C5: variants seen among roughly 807,000 people sequenced by gnomAD.
The protein encoded by C5 is C3 and PZP-like alpha-2-macroglobulin domain-containing protein 4.
C5 carries 140 observed loss-of-function variants against 218.8 expected under a neutral mutation model. The observed-to-expected ratio is 0.64, with a 90% CI of 0.56 to 0.74. The LOEUF is 0.74. Among genes scored for constraint, C5 ranks in the 30% least tolerant of loss-of-function variants. The pLI is 0.00. For synonymous variants in C5, 614 were observed against 682.3 expected, an observed-to-expected ratio of 0.90 and a Z score of 1.56; for missense variants, 1,700 against 1,969.6, an observed-to-expected ratio of 0.86 and a Z score of 2.59.
chr9:120,996,336 T>C (rs1185213300), intron 21 of C5, 36 bp from the exon 22 acceptor site: 1 of 1,537,104 alleles, frequency 6.5e-7, no homozygotes. Context: ...GTTAAAAACA[T>C]AAGTTTATAT....
At chr9:121,008,927 C>CACAAACAA (rs60617637) in intron 17 of C5, among the ~76,000 whole-genome samples, 53,914 of 150,272 alleles carry the variant, frequency 0.36, 10,026 homozygotes, top group East Asian at 0.68. Context: ...GAGACTCTGT[C>CACAAACAA]ACAAACAAAC....
At chr9:121,068,770 T>C in the C5 span, among the ~76,000 whole-genome samples, 8 of 152,162 alleles carry the variant, frequency 5.3e-5, no homozygotes, top group African/African-American at 1.9e-4. Flanking sequence ...GATATTGTCA[T>C]AAAAACAGAT....
intron 22 of C5, among the ~76,000 whole-genome samples, chr9:120,995,081 A>C (rs2131720470): frequency 6.6e-6 from 1 of 152,312 alleles, no homozygotes; most frequent in South Asian, 2.1e-4. Context: ...AAAAAATTGG[A>C]GAAACAAGTA....
At position 121,037,911 on chromosome 9, in the gene C5, TG is replaced by T; in HGVS notation, c.461del (p.Pro154GlnfsTer8). 1 of 1,532,730 alleles carries T rather than the reference TG, an allele frequency of 6.5e-7. No individual in the cohort carries two copies. Among genetic ancestry groups the T allele is most frequent in the Non-Finnish European group, 8.9e-7 (1 of 1,118,688 alleles). The allele number at this position is 1,532,730 out of a possible 1,614,324, so 94.9% of individuals were successfully genotyped here. A position where few individuals can be genotyped will look rare whatever the true frequency, so the allele number is the denominator to read the frequency against. ...RVYSLNDDLK[P>X]AKRETVLTFI... ...AAGTTAAGACAGTTTCTCTTTTGGC[TG>T]GCTTCAAGTCGTCATTCAACGAATA... On this transcript the variant is annotated frameshift_variant, in exon 4 of 41. Transcript: ENST00000223642. LOFTEE classifies it high-confidence loss of function.
the C5 span, among the ~76,000 whole-genome samples, chr9:121,069,960 A>G: frequency 6.6e-6 from 1 of 152,222 alleles, no homozygotes; most frequent in Non-Finnish European, 1.5e-5. Flanking sequence ...AAAGGAAAAG[A>G]AATCAGTATA....
chr9:120,974,175 T>C (rs1245213393), intron 30 of C5, among the ~76,000 whole-genome samples: 1 of 152,168 alleles, frequency 6.6e-6, no homozygotes, highest in Admixed American at 6.5e-5. Context: ...TTCCAACATG[T>C]CTTGTTCTTT....
intron 31 of C5, among the ~76,000 whole-genome samples, chr9:120,970,898 G>T (rs746658966): frequency 5.3e-5 from 8 of 152,186 alleles, no homozygotes; most frequent in African/African-American, 1.9e-4. Flanking sequence ...CCAGCTGGGC[G>T]TGGTGGCTCG....
In C5 at chr9:120,981,858, T is replaced by C; in HGVS notation, c.3472A>G (p.Ile1158Val). Residue 1158 changes from isoleucine (I) to valine (V), a missense_variant, in exon 27 of 41, where the codon ATA becomes GTA. Coordinates refer to ENST00000223642, the MANE Select transcript of C5 (RefSeq NM_001735.3). ...TVIGIRKAFD[I>V]CPLVKIDTAL... ...CTCTTACTTACCACCAGGGGGCATA[T>C]ATCGAAAGCCTTTCTAATTCCAATC... The C allele has an allele frequency of 1.2e-6, 2 of 1,612,852 alleles. No individual in the cohort carries two copies. The highest frequency in any genetic ancestry group is 8.5e-7 in the Non-Finnish European group (1 of 1,178,828).
chr9:120,982,613 C>T (rs377059579), intron 26 of C5, 42 bp downstream of exon 26: 1 of 1,464,926 alleles, frequency 6.8e-7, no homozygotes, highest in African/African-American at 1.4e-5. Context: ...AAAACTCAAA[C>T]TAAATAAAAC....
chr9:120,991,334 C>T, intron 22 of C5, 54 bp from the exon 23 acceptor site: 1 of 949,584 alleles, frequency 1.1e-6, no homozygotes. Flanking sequence ...AGACTGTTTG[C>T]AGATTATTTA....
chr9:121,015,141 T>C lies in C5; in HGVS notation c.2059+58A>G, dbSNP rs780055943. 2.6e-5 allele frequency: 28 copies of C among 1,068,668 alleles called. No individual in the cohort carries two copies. In the African/African-American group the frequency reaches 3.7e-4, roughly 14 times the overall value. The allele number at this position is 1,068,668 out of a possible 1,614,324, so 66.2% of individuals were successfully genotyped here. A position where few individuals can be genotyped will look rare whatever the true frequency, so the allele number is the denominator to read the frequency against. On this transcript the variant is annotated intron_variant, in intron 16 of 40. Coordinates refer to ENST00000223642, the MANE Select transcript of C5 (RefSeq NM_001735.3). Reference sequence around the variant, plus strand: ...GGAATTTATATAACATTTAATTTTGTCCAGTTTTTGAATGATATGACCATA... The same window carrying C: ...GGAATTTATATAACATTTAATTTTGCCCAGTTTTTGAATGATATGACCATA...
chr9:120,969,538 T>C (rs1362634201), intron 32 of C5, among the ~76,000 whole-genome samples: 2 of 152,038 alleles, frequency 1.3e-5, no homozygotes, highest in Non-Finnish European at 2.9e-5. Flanking sequence ...CTGGAGGCAA[T>C]GGGGAGACCA....
chr9:120,959,531 T>G (rs947609273), intron 38 of C5, among the ~76,000 whole-genome samples: 2 of 151,898 alleles, frequency 1.3e-5, no homozygotes, highest in African/African-American at 2.4e-5. Flanking sequence ...AAAGTGCTGG[T>G]ATTACAGGCA....
intron 34 of C5, 61 bp downstream of exon 34, chr9:120,963,575 A>G: frequency 3.4e-6 from 4 of 1,179,188 alleles, no homozygotes; most frequent in Non-Finnish European, 5.1e-6. Context: ...AAAATTGTCT[A>G]TAAAATAATT....
At chr9:121,074,421 C>G in the C5 span, among the ~76,000 whole-genome samples, 7 of 152,344 alleles carry the variant, frequency 4.6e-5, 1 homozygote, top group East Asian at 1.3e-3. Context: ...CTCCCTGAAC[C>G]TCACGCGACA....
At chr9:120,986,631 T>A (rs1357654331) in intron 25 of C5, among the ~76,000 whole-genome samples, 1 of 152,204 alleles carries the variant, frequency 6.6e-6, no homozygotes, top group Non-Finnish European at 1.5e-5. Context: ...TGTGGGGCTT[T>A]CTGCTCTCCA....
intron 33 of C5, 83 bp downstream of exon 33, chr9:120,968,978 A>C: frequency 8.3e-7 from 1 of 1,200,568 alleles, no homozygotes; most frequent in Non-Finnish European, 1.2e-6. Flanking sequence ...GACATACCAA[A>C]ATTTGAAAAT....
intron 22 of C5, among the ~76,000 whole-genome samples, chr9:120,993,188 G>A (rs73662472): frequency 2.4e-3 from 361 of 152,252 alleles, no homozygotes; most frequent in African/African-American, 8.4e-3. Context: ...GAGAACCCTC[G>A]TGCACTGCTA....
Position 121,008,412 on chromosome 9 carries a change from T to C in C5, c.2344A>G (p.Arg782Gly). The C allele has an allele frequency of 6.2e-7, 1 of 1,611,064 alleles. No individual in the cohort carries two copies. The highest frequency in any genetic ancestry group is 8.5e-7 in the Non-Finnish European group (1 of 1,177,300). ...SWLWEVHLVPRRKQLQFALPD... is the reference protein window; with the variant it reads ...SWLWEVHLVPGRKQLQFALPD... Reference sequence around the variant, plus strand: ...AACATGAAAGAAGTATAATACCTTCTGGGAACAAGATGAACTTCCCACAAC... The same window carrying C: ...AACATGAAAGAAGTATAATACCTTCCGGGAACAAGATGAACTTCCCACAAC... The change falls in exon 18 of 41, where the codon AGA becomes GGA. Residue 782 changes from arginine to glycine, a missense_variant. By Grantham distance (125) the Arg-to-Gly change is moderately radical. Coordinates refer to ENST00000223642, the MANE Select transcript of C5 (RefSeq NM_001735.3).
Sources: gnomAD v4.1 joint callset for allele counts (sites outside exome capture counted in the v4.1 genomes callset) on GRCh38, gnomAD v4.1.1 for gene constraint, MANE v1.5 for transcripts, NCBI Gene and HGNC (gene_info 2026-07-23, HGNC 2026-07-21) for gene names.